Variants in MYO16 observed in about 807,000 individuals in gnomAD.
MYO16 encodes myosin XVI, also known as unconventional myosin-XVI.
MYO16 carries 94 observed loss-of-function variants against 205.3 expected under a neutral mutation model. The observed-to-expected ratio is 0.46, with a 90% CI of 0.39 to 0.54. The LOEUF is 0.54. Among genes scored for constraint, MYO16 ranks in the 20% least tolerant of loss-of-function variants. MYO16 has a pLI of 0.00. For synonymous variants in MYO16, 988 were observed against 954.0 expected, an observed-to-expected ratio of 1.04 and a Z score of -0.66; for missense variants, 2,315 against 2,387.5, an observed-to-expected ratio of 0.97 and a Z score of 0.63.
At chr13:108,805,181 A>T (rs950313490) in intron 6 of MYO16, among the ~76,000 whole-genome samples, 3 of 152,196 alleles carry the variant, frequency 2.0e-5, no homozygotes, top group African/African-American at 7.2e-5. Flanking sequence ...ATGTAAAATT[A>T]TATTTTCTAA....
chr13:108,792,512 CT>C (rs35311611), intron 5 of MYO16, among the ~76,000 whole-genome samples: 73,555 of 129,036 alleles, frequency 0.57, 19,965 homozygotes, highest in Middle Eastern at 0.62. Flanking sequence ...ATACTAATGT[CT>C]TTTTTTTTTT....
At chr13:109,117,682 T>C (rs569501696) in intron 28 of MYO16, among the ~76,000 whole-genome samples, 1 of 152,074 alleles carries the variant, frequency 6.6e-6, no homozygotes, top group Non-Finnish European at 1.5e-5. Context: ...GAGATGAGGT[T>C]TGATTTCAGT....
intron 23 of MYO16, among the ~76,000 whole-genome samples, chr13:109,035,981 AG>A (rs1304339926): frequency 6.6e-6 from 1 of 152,234 alleles, no homozygotes; most frequent in Non-Finnish European, 1.5e-5. Flanking sequence ...ATTCTCCTTT[AG>A]GGAATCTGGA....
At chr13:108,624,063 G>A (rs1879641465) in intron 1 of MYO16, among the ~76,000 whole-genome samples, 1 of 152,140 alleles carries the variant, frequency 6.6e-6, no homozygotes, top group Admixed American at 6.6e-5. Context: ...TTCAACTAAA[G>A]AGGCATATTT....
At chr13:108,532,116 G>T in the MYO16 span, among the ~76,000 whole-genome samples, 5 of 152,122 alleles carry the variant, frequency 3.3e-5, no homozygotes, top group African/African-American at 1.2e-4. Flanking sequence ...TGAGGCAGGA[G>T]AATCGCTTGA....
chr13:108,524,660 C>T, the MYO16 span, among the ~76,000 whole-genome samples: 1 of 152,182 alleles, frequency 6.6e-6, no homozygotes, highest in Non-Finnish European at 1.5e-5. Context: ...CTCTTTGAAA[C>T]ACCTTCACCT....
At chr13:109,002,622 C>G (rs946825670) in intron 21 of MYO16, among the ~76,000 whole-genome samples, 7 of 152,184 alleles carry the variant, frequency 4.6e-5, no homozygotes, top group Non-Finnish European at 8.8e-5. Context: ...ACCCGGAGAT[C>G]TAATTGAACC....
At chr13:108,651,609 A>T (rs1002256114) in intron 1 of MYO16, among the ~76,000 whole-genome samples, 1 of 152,220 alleles carries the variant, frequency 6.6e-6, no homozygotes, top group Non-Finnish European at 1.5e-5. Context: ...CCAGATAAAC[A>T]TGCCCAAATA....
intron 7 of MYO16, among the ~76,000 whole-genome samples, chr13:108,815,683 C>A (rs563280191): frequency 6.6e-6 from 1 of 152,140 alleles, no homozygotes; most frequent in Non-Finnish European, 1.5e-5. Flanking sequence ...AGCCACGAAC[C>A]TTGTGGTGAT....
chr13:109,143,050 G>C (rs530397675), intron 32 of MYO16, among the ~76,000 whole-genome samples: 2 of 152,164 alleles, frequency 1.3e-5, no homozygotes, highest in South Asian at 4.1e-4. Flanking sequence ...TTCATACTTG[G>C]AAAACTTCAC....
chr13:109,026,217 A>G (rs1886356213), intron 23 of MYO16, among the ~76,000 whole-genome samples: 1 of 152,180 alleles, frequency 6.6e-6, no homozygotes, highest in Non-Finnish European at 1.5e-5. Flanking sequence ...ATATGATCTT[A>G]TTTGGAAAAA....
At position 108,629,700 on chromosome 13, in the gene MYO16, T is replaced by A; in HGVS notation, c.-145T>A. On this transcript the variant is annotated 5_prime_UTR_variant, in exon 1 of 35. An upstream start codon of the reference 5' UTR is lost. Coordinates refer to ENST00000457511, the MANE Select transcript of MYO16 (RefSeq NM_001198950.3). The stretch of plus-strand genomic sequence containing the variant: ...GAGTTTGAAGCTTTTTGCAGGATCA[T>A]GGAACAGAGCCTCCATGCAATAGTG... 1.5e-6 allele frequency: 1 copy of A among 674,992 alleles called. No homozygotes were observed. The highest frequency in any genetic ancestry group is 2.4e-6 in the Non-Finnish European group (1 of 411,118). 41.8% of individuals were successfully genotyped at this position (674,992 alleles called of 1,614,324 possible). A position where few individuals can be genotyped will look rare whatever the true frequency, so the allele number is the denominator to read the frequency against.
At chr13:108,684,127 G>A (rs1026643767) in intron 2 of MYO16, among the ~76,000 whole-genome samples, 3 of 152,210 alleles carry the variant, frequency 2.0e-5, no homozygotes, top group Non-Finnish European at 2.9e-5. Context: ...GCCCGCCTCG[G>A]CCTCCCGAAG....
At chr13:108,725,717 C>T (rs1453191791) in intron 3 of MYO16, among the ~76,000 whole-genome samples, 1 of 152,088 alleles carries the variant, frequency 6.6e-6, no homozygotes, top group South Asian at 2.1e-4. Flanking sequence ...CAGCTGAGCA[C>T]TTGAGGGAGG....
chr13:108,631,249 G>A (rs142700987), intron 1 of MYO16, among the ~76,000 whole-genome samples: 2 of 152,302 alleles, frequency 1.3e-5, no homozygotes, highest in African/African-American at 4.8e-5. Context: ...GAACCTGGAT[G>A]CTCATTAGAC....
chr13:109,035,731 C>T (rs1223488026), intron 23 of MYO16, among the ~76,000 whole-genome samples: 1 of 152,082 alleles, frequency 6.6e-6, no homozygotes, highest in Non-Finnish European at 1.5e-5. Flanking sequence ...CAGTTACTTC[C>T]TGCAAACCCT....
At chr13:108,686,257 G>A (rs907937059) in intron 2 of MYO16, among the ~76,000 whole-genome samples, 1 of 152,218 alleles carries the variant, frequency 6.6e-6, no homozygotes, top group Non-Finnish European at 1.5e-5. Flanking sequence ...TGGTCAATGT[G>A]TGATTCGCAC....
chr13:108,883,644 T>G (rs1031858181), intron 13 of MYO16, among the ~76,000 whole-genome samples: 3 of 152,024 alleles, frequency 2.0e-5, no homozygotes, highest in Non-Finnish European at 4.4e-5. Context: ...AAACTTTTTT[T>G]TTTTTTTTGA....
At chr13:108,967,121 A>C (rs1883822771) in intron 20 of MYO16, among the ~76,000 whole-genome samples, 1 of 151,852 alleles carries the variant, frequency 6.6e-6, no homozygotes, top group Admixed American at 6.6e-5. Context: ...ATGTATATAC[A>C]TATAGTATAC....
Sources: allele counts gnomAD v4.1 joint callset (sites outside exome capture counted in the v4.1 genomes callset), GRCh38; gene constraint gnomAD v4.1.1; transcripts MANE v1.5; gene names NCBI Gene and HGNC (gene_info 2026-07-23, HGNC 2026-07-21).